Variants in SPI1 observed in about 807,000 individuals in gnomAD.
SPI1 encodes Spi-1 proto-oncogene.
Under a neutral mutation model 30.7 loss-of-function variants are expected in SPI1, and 3 were observed. The observed-to-expected ratio is 0.10, with a 90% CI of 0.04 to 0.25. The LOEUF (loss-of-function observed/expected upper bound fraction) is 0.25, where lower values mean the gene tolerates loss of function less well. SPI1 is among the 10% of genes least tolerant of loss of function. SPI1 has a pLI of 1.00. For synonymous variants in SPI1, 169 were observed against 157.1 expected (o/e 1.08, Z -0.56); for missense variants, 261 against 371.5 (o/e 0.70, Z 2.45).
chr11:47,363,388 G>GCAGGCGCCTGTAATCC, intron 2 of SPI1, among the ~76,000 whole-genome samples: 1 of 152,082 alleles, frequency 6.6e-6, no homozygotes, highest in East Asian at 1.9e-4. Flanking sequence ...GGGTGTGATG[G>GCAGGCGCCTGTAATCC]CAGGCGCCTG....
chr11:47,378,373 G>A lies in SPI1; in HGVS notation c.-20C>T. 2 of 1,610,442 alleles carry A rather than the reference G, an allele frequency of 1.2e-6. No individual in the cohort carries two copies. Among genetic ancestry groups the A allele is most frequent in the Non-Finnish European group, 1.7e-6 (2 of 1,178,464 alleles). ...TAACATCCAGCCGGGCTCCGAGTCG[G>A]TCAGATCCCCTGCCTCGGTGGGGGC... On this transcript the variant is annotated 5_prime_UTR_variant, in exon 1 of 5. Transcript: ENST00000378538.
At chr11:47,355,859 C>A (rs529404383) in intron 4 of SPI1, among the ~76,000 whole-genome samples, 1 of 77,504 alleles carries the variant, frequency 1.3e-5, no homozygotes, top group African/African-American at 5.7e-5. Flanking sequence ...CCCACACCTC[C>A]TTACACATGC....
In SPI1 at chr11:47,356,750, C is replaced by T. The variant is rs375283536; in HGVS notation, c.494-1204G>A. Among the ~76,000 whole-genome samples the T allele has an allele frequency of 1.1e-4, 17 of 151,650 alleles. No individual in the cohort carries two copies. In the East Asian group the frequency reaches 2.7e-3, roughly 24 times the overall value. ...GCTTACACCACACCATTCACTCACA[C>T]ATATCCACTCACATATGATCGCACC... On this transcript the variant is annotated intron_variant, in intron 4 of 4. Transcript: ENST00000378538.
chr11:47,368,136 C>T (rs139014611), intron 2 of SPI1, among the ~76,000 whole-genome samples: 2,374 of 152,226 alleles, frequency 0.016, 34 homozygotes, highest in Middle Eastern at 0.037. Context: ...GAGGCCAAGA[C>T]GGGCAGATCG....
In SPI1 at chr11:47,359,097, T is replaced by G; in HGVS notation, c.331-91A>C. 2.4e-6 allele frequency: 3 copies of G among 1,238,636 alleles called. No individual in the cohort carries two copies. Among genetic ancestry groups the G allele is most frequent in the East Asian group, 2.4e-5 (1 of 41,582 alleles). 76.7% of individuals were successfully genotyped at this position (1,238,636 alleles called of 1,614,324 possible). On this transcript the variant is annotated intron_variant, in intron 3 of 4. Coordinates refer to ENST00000378538, the MANE Select transcript of SPI1 (RefSeq NM_003120.3). The surrounding 1 kb of genome is among the most constrained non-coding windows in gnomAD (Gnocchi z 5.1). Reference sequence around the variant, plus strand: ...GGAGGTCAGCTGGGGAGAGAAGGAGTGCAGAGGGCAGGGGACAATGGCAGG... The same window carrying G: ...GGAGGTCAGCTGGGGAGAGAAGGAGGGCAGAGGGCAGGGGACAATGGCAGG...
intron 1 of SPI1, among the ~76,000 whole-genome samples, chr11:47,377,582 C>T (rs1296266329): frequency 6.6e-6 from 1 of 152,032 alleles, no homozygotes; most frequent in Admixed American, 6.6e-5. Context: ...AGCCCCCATT[C>T]TCACTTATCA....
intron 2 of SPI1, among the ~76,000 whole-genome samples, chr11:47,363,785 A>T (rs2095924264): frequency 6.6e-6 from 1 of 151,522 alleles, no homozygotes; most frequent in Non-Finnish European, 1.5e-5. Flanking sequence ...CAACATAGTG[A>T]AACCCCGTCT....
Position 47,375,543 on chromosome 11 carries a change from T to G in SPI1, c.142+90A>C. 1.9e-6 allele frequency: 2 copies of G among 1,037,682 alleles called. No homozygotes were observed. Among genetic ancestry groups the G allele is most frequent in the Non-Finnish European group, 3.0e-6 (2 of 670,524 alleles). 64.3% of individuals were successfully genotyped at this position (1,037,682 alleles called of 1,614,324 possible). ...TCTGATTCTCAGAATTCCAAAGAAG[T>G]CCTGGGAATCATTTATTCTTTTTCT... On this transcript the variant is annotated intron_variant, in intron 2 of 4. Transcript: ENST00000378538. This position sits in a 1 kb window ranked among gnomAD's most constrained non-coding sequence, Gnocchi z 4.2.
chr11:47,359,064 G>A lies in SPI1; in HGVS notation c.331-58C>T. 5 of 1,473,278 alleles carry A rather than the reference G, an allele frequency of 3.4e-6. No individual in the cohort carries two copies. The highest frequency in any genetic ancestry group is 1.4e-5 in the South Asian group (1 of 71,124). The allele number at this position is 1,473,278 out of a possible 1,614,324, so 91.3% of individuals were successfully genotyped here. A position where few individuals can be genotyped will look rare whatever the true frequency, so the allele number is the denominator to read the frequency against. On this transcript the variant is annotated intron_variant, in intron 3 of 4. Transcript: ENST00000378538. The surrounding 1 kb of genome is among the most constrained non-coding windows in gnomAD (Gnocchi z 5.1). Reference sequence around the variant, plus strand: ...AAGGGCCAGCTTACAGCTCAGGGGGGCTGGGAGGGAGGTCAGCTGGGGAGA... The same window carrying A: ...AAGGGCCAGCTTACAGCTCAGGGGGACTGGGAGGGAGGTCAGCTGGGGAGA...
intron 2 of SPI1, among the ~76,000 whole-genome samples, chr11:47,366,398 G>A (rs1040001339): frequency 3.3e-5 from 5 of 152,154 alleles, no homozygotes; most frequent in African/African-American, 1.2e-4. Flanking sequence ...AGAACCTCCA[G>A]CCTGAAGCCC....
At position 47,360,044 on chromosome 11, in the gene SPI1, TG is replaced by T; in HGVS notation, c.143-5del. On this transcript the variant is annotated splice_polypyrimidine_tract_variant and splice_region_variant and intron_variant, in intron 2 of 4. Coordinates refer to ENST00000378538, the MANE Select transcript of SPI1 (RefSeq NM_003120.3). ...GGGTGGAAGTCCCAGTAATGGTCTG[TG>T]GGGGACAGCCAGGCAGTATGGGGTG... The T allele has an allele frequency of 1.3e-6, 2 of 1,549,274 alleles. No individual in the cohort carries two copies.
At chr11:47,360,109 C>T (rs1040224335) in intron 2 of SPI1, 69 bp from the exon 3 acceptor site, 70 of 1,321,612 alleles carry the variant, frequency 5.3e-5, no homozygotes, top group Non-Finnish European at 6.8e-5. Flanking sequence ...GTTATAGTAA[C>T]ATTAAATAAT....
intron 2 of SPI1, among the ~76,000 whole-genome samples, chr11:47,365,927 C>T (rs914167544): frequency 2.0e-5 from 3 of 152,152 alleles, no homozygotes; most frequent in African/African-American, 4.8e-5. Context: ...AAACTCCTGA[C>T]CTTGTGACCC....
Position 47,357,724 on chromosome 11 carries a change from CCTGA to C in SPI1, c.493+1116_493+1119del, listed in dbSNP as rs534615776. On this transcript the variant is annotated intron_variant, in intron 4 of 4. Coordinates refer to ENST00000378538, the MANE Select transcript of SPI1 (RefSeq NM_003120.3). The stretch of plus-strand genomic sequence containing the variant: ...GGGATTACAGGCGTTCACCACCACG[CCTGA>C]CTAATTTTTGTATTTTTAGTGGAGA... Among the ~76,000 whole-genome samples, 256 of 152,360 alleles carry C rather than the reference CCTGA, an allele frequency of 1.7e-3. 2 individuals carry two copies. The highest frequency in any genetic ancestry group is 5.8e-3 in the African/African-American group (241 of 41,580).
At position 47,377,034 on chromosome 11, in the gene SPI1, T is replaced by C. The variant is rs369636702; in HGVS notation, c.45+1275A>G. 1.2e-4 allele frequency among the ~76,000 whole-genome samples: 19 copies of C among 152,326 alleles called. No homozygotes were observed. In the South Asian group the frequency reaches 3.9e-3, roughly 32 times the overall value. ...TTCTGAGACAACCTCCGTCACCCTC[T>C]GCCTGGGCCGCCCACTTCGTGTTCC... is the stretch of plus-strand genomic sequence containing the variant. On this transcript the variant is annotated intron_variant, in intron 1 of 4. Transcript: ENST00000378538.
chr11:47,368,240 C>G (rs1182715635), intron 2 of SPI1, among the ~76,000 whole-genome samples: 2 of 152,148 alleles, frequency 1.3e-5, no homozygotes, highest in South Asian at 2.1e-4. Flanking sequence ...TGGTGGACAC[C>G]TGTAATCCCA....
Position 47,358,829 on chromosome 11 carries a change from G to A in SPI1, c.493+15C>T. 3.2e-6 allele frequency: 5 copies of A among 1,548,312 alleles called. No individual in the cohort carries two copies. The South Asian group carries it at 4.8e-5, about 15-fold the overall frequency. ...GGCCAGGGTCGGGGCCAGGGTGGAG[G>A]GCCAGGTGCCCCACCTGTCTCCCCA... On this transcript the variant is annotated intron_variant, in intron 4 of 4. Transcript: ENST00000378538.
intron 4 of SPI1, chr11:47,358,312 T>G: frequency 1.9e-6 from 1 of 530,836 alleles, no homozygotes; most frequent in South Asian, 2.3e-5. Context: ...CATGCCTGCT[T>G]ACAGCCACTC....
At position 47,359,713 on chromosome 11, in the gene SPI1, G is replaced by T. The variant is rs1383159511; in HGVS notation, c.330+140C>A. 7.2e-5 allele frequency: 66 copies of T among 911,244 alleles called. No homozygotes were observed. Among genetic ancestry groups the T allele is most frequent in the Admixed American group, 7.4e-5 (3 of 40,342 alleles). The allele number at this position is 911,244 out of a possible 1,614,324, so 56.4% of individuals were successfully genotyped here. ...TCACTTGGGGGGTCAGGCGGCAGCC[G>T]TTGGAGCTCCAGCCGCCGTTGGCAC... On this transcript the variant is annotated intron_variant, in intron 3 of 4. Transcript: ENST00000378538. This position sits in a 1 kb window ranked among gnomAD's most constrained non-coding sequence, Gnocchi z 5.1.
Sources: gnomAD v4.1 joint callset for allele counts (sites outside exome capture counted in the v4.1 genomes callset) on GRCh38, gnomAD v4.1.1 for gene constraint, Gnocchi (gnomAD v3.1) non-coding constraint, MANE v1.5 for transcripts, NCBI Gene and HGNC (gene_info 2026-07-23, HGNC 2026-07-21) for gene names.